TAB2: variants seen among roughly 807,000 people sequenced by gnomAD.
TAB2 encodes TGF-beta-activated kinase 1 and MAP3K7-binding protein 2.
In TAB2, 3 loss-of-function variants were observed where a neutral mutation model predicts 65.0. The ratio of observed to expected loss-of-function variants is 0.05; its 90% confidence interval spans 0.02 to 0.12. The LOEUF (loss-of-function observed/expected upper bound fraction) is 0.12. Among genes scored for constraint, TAB2 ranks in the 10% least tolerant of loss-of-function variants. The probability of loss-of-function intolerance (pLI) is 1.00; values close to 1 mark genes in which losing one functional copy is unlikely to be tolerated. For synonymous variants in TAB2, 298 were observed against 285.1 expected (o/e 1.05, Z -0.46); for missense variants, 623 against 840.3 (o/e 0.74, Z 3.20).
At chr6:149,405,767 T>C (rs1250425746) in intron 6 of TAB2, among the ~76,000 whole-genome samples, 1 of 152,104 alleles carries the variant, frequency 6.6e-6, no homozygotes, top group African/African-American at 2.4e-5. Context: ...AAGATTGTGG[T>C]CGAAGGGGTA....
At position 149,411,069 on chromosome 6, in the gene TAB2, T is replaced by C. The variant is rs1782841688; in HGVS notation, c.*1350T>C. 1 of 152,634 alleles carries C rather than the reference T, an allele frequency of 6.6e-6. No homozygotes were observed. The highest frequency in any genetic ancestry group is 2.1e-4 in the South Asian group (1 of 4,834). The allele number at this position is 152,634 out of a possible 1,614,324, so 9.5% of individuals were successfully genotyped here. A position where few individuals can be genotyped will look rare whatever the true frequency, so the allele number is the denominator to read the frequency against. Reference sequence around the variant, plus strand: ...AAGCAACCTCAAGCATCTCTTTATTTTGATGATATATTTTTGTAAGGAAAA... The same window carrying C: ...AAGCAACCTCAAGCATCTCTTTATTCTGATGATATATTTTTGTAAGGAAAA... On this transcript the variant is annotated 3_prime_UTR_variant, in exon 7 of 7. Transcript: ENST00000637181.
intron 2 of TAB2, among the ~76,000 whole-genome samples, chr6:149,374,613 A>T (rs992038178): frequency 6.6e-6 from 1 of 152,246 alleles, no homozygotes; most frequent in African/African-American, 2.4e-5. Context: ...GCTGCTAAAA[A>T]TCATCAGTTG....
intron 1 of TAB2, among the ~76,000 whole-genome samples, chr6:149,264,183 G>A (rs982479925): frequency 5.9e-5 from 9 of 152,152 alleles, no homozygotes; most frequent in Non-Finnish European, 1.3e-4. Flanking sequence ...CAAGTACTAG[G>A]GACCTGGAAA....
chr6:149,408,000 C>T (rs946256716), intron 6 of TAB2, among the ~76,000 whole-genome samples: 1 of 152,076 alleles, frequency 6.6e-6, no homozygotes, highest in African/African-American at 2.4e-5. Context: ...TAAACAGAAT[C>T]AACAAGGTTT....
At position 149,379,087 on chromosome 6, in the gene TAB2, C is replaced by T. The variant is rs1781515147; in HGVS notation, c.1172C>T (p.Ala391Val). The T allele has an allele frequency of 1.9e-6, 3 of 1,614,056 alleles. No homozygotes were observed. The highest frequency in any genetic ancestry group is 1.7e-5 in the Admixed American group (1 of 60,000). The change falls in exon 3 of 7, where the codon GCG becomes GTG. Residue 391 changes from alanine (A) to valine (V), a missense_variant. Transcript: ENST00000637181. Reference protein sequence around the residue: ...SRSQPKVYISANAATGDEQVM... With the variant: ...SRSQPKVYISVNAATGDEQVM... ...AGTCAACCTAAGGTCTATATTTCAG[C>T]GAATGCTGCCACAGGAGATGAACAG...
chr6:149,285,282 G>A (rs1370055678), intron 1 of TAB2, among the ~76,000 whole-genome samples: 1 of 152,216 alleles, frequency 6.6e-6, no homozygotes, highest in African/African-American at 2.4e-5. Flanking sequence ...ACCAAAAGCA[G>A]GGGACCCCTG....
chr6:149,403,093 G>C (rs112635298), intron 6 of TAB2, among the ~76,000 whole-genome samples: 18,471 of 151,228 alleles, frequency 0.12, 1,728 homozygotes, highest in East Asian at 0.51. Context: ...AATTAGCCTG[G>C]CTTGGCGGCC....
Position 149,409,801 on chromosome 6 carries a change from A to G in TAB2, c.*82A>G. The stretch of plus-strand genomic sequence containing the variant: ...GTCATCGGGAAAAAGTTTCACTGCT[A>G]CATAGGATTTTGTCAAATTGAAGGT... On this transcript the variant is annotated 3_prime_UTR_variant, in exon 7 of 7. Coordinates refer to ENST00000637181, the MANE Select transcript of TAB2 (RefSeq NM_001292034.3). 1 of 1,527,514 alleles carries G rather than the reference A, an allele frequency of 6.5e-7. No homozygotes were observed. Among genetic ancestry groups the G allele is most frequent in the East Asian group, 2.3e-5 (1 of 44,378 alleles). 94.6% of individuals were successfully genotyped at this position (1,527,514 alleles called of 1,614,324 possible).
chr6:149,253,498 G>A (rs1216861390), intron 1 of TAB2, among the ~76,000 whole-genome samples: 2 of 151,086 alleles, frequency 1.3e-5, no homozygotes, highest in African/African-American at 2.4e-5. Context: ...GGGCGTGGTG[G>A]CACAAGCCTG....
At chr6:149,296,013 G>T (rs1778871266) in intron 1 of TAB2, among the ~76,000 whole-genome samples, 1 of 152,178 alleles carries the variant, frequency 6.6e-6, no homozygotes, top group South Asian at 2.1e-4. Context: ...CTCGTGATCT[G>T]CCCACCTCGG....
chr6:149,227,972 T>C (rs1208930084), intron 1 of TAB2, among the ~76,000 whole-genome samples: 2 of 151,942 alleles, frequency 1.3e-5, no homozygotes, highest in Non-Finnish European at 2.9e-5. Flanking sequence ...AGAGAACAAA[T>C]AAAATGTCTA....
At chr6:149,303,828 G>A (rs1779011417) in intron 1 of TAB2, among the ~76,000 whole-genome samples, 1 of 152,170 alleles carries the variant, frequency 6.6e-6, no homozygotes, top group African/African-American at 2.4e-5. Context: ...AATGGCAGAT[G>A]GAAAGGTAAA....
At chr6:149,292,239 G>A (rs1177973808) in intron 1 of TAB2, among the ~76,000 whole-genome samples, 2 of 152,270 alleles carry the variant, frequency 1.3e-5, no homozygotes, top group African/African-American at 4.8e-5. Context: ...ACAATGCTCT[G>A]TAAAGAGTAA....
chr6:149,267,018 A>C (rs190471372), intron 1 of TAB2, among the ~76,000 whole-genome samples: 19 of 152,334 alleles, frequency 1.2e-4, no homozygotes, highest in Admixed American at 1.1e-3. Context: ...AGAAGATTAA[A>C]GTAGGGAGAT....
At chr6:149,266,950 A>G (rs932869256) in intron 1 of TAB2, among the ~76,000 whole-genome samples, 3 of 152,230 alleles carry the variant, frequency 2.0e-5, no homozygotes, top group Non-Finnish European at 2.9e-5. Flanking sequence ...AGCAGAAAGT[A>G]GCTCTCACCC....
At chr6:149,287,463 C>T (rs1778696405) in intron 1 of TAB2, among the ~76,000 whole-genome samples, 2 of 141,342 alleles carry the variant, frequency 1.4e-5, no homozygotes, top group South Asian at 2.3e-4. Flanking sequence ...GGGAATATAA[C>T]AAGCAAACTT....
chr6:149,253,970 G>GAAA (rs1410153684), intron 1 of TAB2, among the ~76,000 whole-genome samples: 1 of 101,524 alleles, frequency 9.8e-6, no homozygotes, highest in East Asian at 2.6e-4. Context: ...AAGAAAGAAA[G>GAAA]AAAGAAAGAA....
In TAB2 at chr6:149,380,068, C is replaced by T. The variant is rs142716895; in HGVS notation, c.1603+550C>T. Reference sequence around the variant, plus strand: ...CAGCTGGGGCAACATATGGAGACTCCGTCTCTACAGAAGGTTTTGAAATTA... The same window carrying T: ...CAGCTGGGGCAACATATGGAGACTCTGTCTCTACAGAAGGTTTTGAAATTA... On this transcript the variant is annotated intron_variant, in intron 3 of 6. Coordinates refer to ENST00000637181, the MANE Select transcript of TAB2 (RefSeq NM_001292034.3). 3.3e-5 allele frequency: 13 copies of T among 389,488 alleles called. No individual in the cohort carries two copies. The East Asian group carries it at 5.8e-4, about 17-fold the overall frequency. 24.1% of individuals were successfully genotyped at this position (389,488 alleles called of 1,614,324 possible). A position where few individuals can be genotyped will look rare whatever the true frequency, so the allele number is the denominator to read the frequency against.
At chr6:149,363,052 C>T (rs1364642789) in intron 1 of TAB2, among the ~76,000 whole-genome samples, 1 of 152,132 alleles carries the variant, frequency 6.6e-6, no homozygotes, top group African/African-American at 2.4e-5. Context: ...AATACCACTA[C>T]AGGAAGGGAC....
Sources: allele counts gnomAD v4.1 joint callset (sites outside exome capture counted in the v4.1 genomes callset), GRCh38; gene constraint gnomAD v4.1.1; transcripts MANE v1.5; gene names NCBI Gene and HGNC (gene_info 2026-07-23, HGNC 2026-07-21).